TNRC18: variants seen among roughly 807,000 people sequenced by gnomAD.
TNRC18 encodes the protein trinucleotide repeat containing 18.
TNRC18 carries 69 observed loss-of-function variants against 226.7 expected under a neutral mutation model. That is an observed-to-expected ratio of 0.30 (90% CI 0.25 to 0.37). The LOEUF is 0.37. Ranked by LOEUF, TNRC18 falls within the 10% of genes least tolerant of loss-of-function variation. The pLI is 1.00. For synonymous variants in TNRC18, 2,449 were observed against 1,927.6 expected, an observed-to-expected ratio of 1.27 and a Z score of -7.09; for missense variants, 4,754 against 4,256.6, an observed-to-expected ratio of 1.12 and a Z score of -3.25.
rs748061406 is a variant in TNRC18, at chr7:5,376,893, T to C, written c.2562A>G (p.Gln854=). The part of the protein sequence containing the change: ...PSAYQFVRDP[Q]SGQLVVIPSD... ...TGGGAATGACCACCAGCTGGCCCGATTGGGGGTCCCTGACAAACTGGTAGG... is the reference window on the plus strand; with the variant it reads ...TGGGAATGACCACCAGCTGGCCCGACTGGGGGTCCCTGACAAACTGGTAGG... The change falls in exon 8 of 30, where the codon CAA becomes CAG. Residue 854 remains glutamine (Q), a synonymous_variant. Coordinates refer to ENST00000430969, the MANE Select transcript of TNRC18 (RefSeq NM_001080495.3). 66 of 1,610,954 alleles carry C rather than the reference T, an allele frequency of 4.1e-5. No individual in the cohort carries two copies. The highest frequency in any genetic ancestry group is 2.9e-4 in the African/African-American group (22 of 74,986).
intron 9 of TNRC18, 101 bp from the exon 10 acceptor site, chr7:5,374,585 A>T: frequency 7.9e-7 from 1 of 1,259,814 alleles, no homozygotes; most frequent in Non-Finnish European, 1.1e-6. Flanking sequence ...GTCCGAGGAG[A>T]ACCTCATGCA....
intron 25 of TNRC18, among the ~76,000 whole-genome samples, chr7:5,315,519 G>A (rs967496619): frequency 1.3e-5 from 2 of 151,860 alleles, no homozygotes; most frequent in Non-Finnish European, 2.9e-5. Flanking sequence ...TGCCTCTCAG[G>A]TTCAAGGGAT....
intron 26 of TNRC18, among the ~76,000 whole-genome samples, chr7:5,314,261 C>G (rs527971725): frequency 6.6e-6 from 1 of 152,114 alleles, no homozygotes; most frequent in East Asian, 1.9e-4. Context: ...TGGACCACTG[C>G]GCCCAGCAGA....
At position 5,319,961 on chromosome 7, in the gene TNRC18, A is replaced by G. The variant is rs1788186087; in HGVS notation, c.6745+357T>C. ...CCCGGTCGATCAGACTCACGGCAGT[A>G]GGATCAATGAAAACCATGTGGCCCA... On this transcript the variant is annotated intron_variant, in intron 24 of 29. Coordinates refer to ENST00000430969, the MANE Select transcript of TNRC18 (RefSeq NM_001080495.3). Among the ~76,000 whole-genome samples the G allele has an allele frequency of 2.0e-5, 3 of 152,242 alleles. No individual in the cohort carries two copies. The South Asian group carries it at 6.2e-4, about 31-fold the overall frequency.
intron 18 of TNRC18, among the ~76,000 whole-genome samples, chr7:5,339,065 A>G (rs74646741): frequency 0.022 from 3,397 of 152,054 alleles, 135 homozygotes; most frequent in African/African-American, 0.077. Context: ...TGGGAGGCCA[A>G]TGAGCGCAGA....
Position 5,312,923 on chromosome 7 carries a change from CGAGGAAGAGGAG to C in TNRC18, c.7956_7967del (p.Ser2668_Ser2671del). ...AGGAGGAGGAGGAGGAGGATGAGGACGAGGAAGAGGAGGAGGAGGAAGAGGAGGAAGACGAAG... is the reference window on the plus strand; with the variant it reads ...AGGAGGAGGAGGAGGAGGATGAGGACGAGGAGGAAGAGGAGGAAGACGAAG... On this transcript the variant is annotated inframe_deletion, in exon 27 of 30. Coordinates refer to ENST00000430969, the MANE Select transcript of TNRC18 (RefSeq NM_001080495.3). This position sits in a 1 kb window ranked among gnomAD's most constrained non-coding sequence, Gnocchi z 6.3. 2 of 1,437,778 alleles carry C rather than the reference CGAGGAAGAGGAG, an allele frequency of 1.4e-6. No homozygotes were observed. The highest frequency in any genetic ancestry group is 1.9e-6 in the Non-Finnish European group (2 of 1,078,044). 89.1% of individuals were successfully genotyped at this position (1,437,778 alleles called of 1,614,324 possible).
chr7:5,374,308 C>A lies in TNRC18; in HGVS notation c.2976G>T (p.Pro992=), dbSNP rs200029475. 1 of 1,444,734 alleles carries A rather than the reference C, an allele frequency of 6.9e-7. No individual in the cohort carries two copies. The highest frequency in any genetic ancestry group is 9.1e-7 in the Non-Finnish European group (1 of 1,103,760). The allele number at this position is 1,444,734 out of a possible 1,614,324, so 89.5% of individuals were successfully genotyped here. The part of the protein sequence containing the change: ...PAGTYGKAVS[P]PPSPRASPVA... ...CAGGGGATGCGCGGGGTGATGGTGG[C>A]GGGCTCACGGCCTTGCCGTAGGTGC... Residue 992 remains proline (P), a synonymous_variant, in exon 10 of 30, where the codon CCG becomes CCT. Transcript: ENST00000430969.
chr7:5,318,196 T>G (rs2128110112), intron 24 of TNRC18, among the ~76,000 whole-genome samples: 1 of 152,220 alleles, frequency 6.6e-6, no homozygotes, highest in East Asian at 1.9e-4. Context: ...TTTTGTATCT[T>G]TTTGTAGAGA....
intron 24 of TNRC18, among the ~76,000 whole-genome samples, chr7:5,318,440 A>C (rs1473190934): frequency 6.6e-6 from 1 of 152,214 alleles, no homozygotes; most frequent in Admixed American, 6.5e-5. Context: ...TAACAGAAAA[A>C]AAGACACACA....
At chr7:5,341,657 G>A (rs760863351) in intron 18 of TNRC18, among the ~76,000 whole-genome samples, 24 of 151,624 alleles carry the variant, frequency 1.6e-4, no homozygotes, top group Admixed American at 4.6e-4. Context: ...CCAGCTACTC[G>A]GGAGGCTGAG....
Position 5,370,671 on chromosome 7 carries a change from A to G in TNRC18, c.3923T>C (p.Leu1308Pro). 1 of 1,612,502 alleles carries G rather than the reference A, an allele frequency of 6.2e-7. No individual in the cohort carries two copies. Residue 1308 changes from leucine (L) to proline (P), a missense_variant, in exon 11 of 30, where the codon CTG becomes CCG. Physicochemically the swap from Leu to Pro is moderately conservative, Grantham distance 98. Transcript: ENST00000430969. ...TACAGGCACGGCCTCTTGGGGCTCC[A>G]GGCTCGGGCACTGTCCCTCCCCGGC... is the stretch of plus-strand genomic sequence containing the variant. ...VPAGEGQCPSLEPQEAVPVLG... is the reference protein window; with the variant it reads ...VPAGEGQCPSPEPQEAVPVLG...
chr7:5,308,548 A>G (rs1443141029), intron 29 of TNRC18, among the ~76,000 whole-genome samples: 1 of 152,208 alleles, frequency 6.6e-6, no homozygotes, highest in African/African-American at 2.4e-5. Flanking sequence ...AGACGCAGAG[A>G]GACAGAGACC....
At position 5,370,688 on chromosome 7, in the gene TNRC18, C is replaced by T. The variant is rs2128172261; in HGVS notation, c.3906G>A (p.Glu1302=). The T allele has an allele frequency of 2.5e-6, 4 of 1,611,962 alleles. No individual in the cohort carries two copies. Among genetic ancestry groups the T allele is most frequent in the Admixed American group, 1.7e-5 (1 of 59,822 alleles). ...GGGGCTCCAGGCTCGGGCACTGTCC[C>T]TCCCCGGCGGGCACGTCACAGTCTG... is the stretch of plus-strand genomic sequence containing the variant. ...EMSDCDVPAG[E]GQCPSLEPQE... is the part of the protein sequence containing the mutation. Residue 1302 remains glutamate, a synonymous_variant, in exon 11 of 30, where the codon GAG becomes GAA. Transcript: ENST00000430969.
At chr7:5,381,607 G>A (rs1268475117) in intron 5 of TNRC18, among the ~76,000 whole-genome samples, 2 of 151,992 alleles carry the variant, frequency 1.3e-5, no homozygotes, top group African/African-American at 4.8e-5. Flanking sequence ...CCTGGGCAAC[G>A]GAGTGAGACC....
intron 2 of TNRC18, chr7:5,420,194 C>G: frequency 2.9e-6 from 1 of 343,504 alleles, no homozygotes; most frequent in South Asian, 2.1e-5. Flanking sequence ...CCGTCCCCAC[C>G]GCGCCTGGGC....
chr7:5,418,314 C>T (rs1044242761), intron 2 of TNRC18, among the ~76,000 whole-genome samples: 1 of 152,172 alleles, frequency 6.6e-6, no homozygotes, highest in African/African-American at 2.4e-5. Flanking sequence ...TCCCTGATCC[C>T]AAACCCCATT....
Position 5,387,931 on chromosome 7 carries a change from G to C in TNRC18, c.1893C>G (p.Ser631=). ...PEPAPTSAGA[S]RAQARLPHSG... Reference sequence around the variant, plus strand: ...AGTGTGGGAGACGGGCCTGGGCTCGGGAGGCACCCGCAGAGGTGGGCGCAG... The same window carrying C: ...AGTGTGGGAGACGGGCCTGGGCTCGCGAGGCACCCGCAGAGGTGGGCGCAG... The change falls in exon 5 of 30, where the codon TCC becomes TCG. Residue 631 remains serine (S), a synonymous_variant. Coordinates refer to ENST00000430969, the MANE Select transcript of TNRC18 (RefSeq NM_001080495.3). 2 of 1,596,856 alleles carry C rather than the reference G, an allele frequency of 1.3e-6. No homozygotes were observed. The highest frequency in any genetic ancestry group is 8.5e-7 in the Non-Finnish European group (1 of 1,172,844).
At chr7:5,366,451 G>A (rs1793638212) in intron 11 of TNRC18, among the ~76,000 whole-genome samples, 1 of 146,396 alleles carries the variant, frequency 6.8e-6, no homozygotes, top group Admixed American at 7.0e-5. Flanking sequence ...AGTCCCCTGA[G>A]TAGCTGGGAC....
At chr7:5,321,351 T>C (rs1350037930) in intron 21 of TNRC18, among the ~76,000 whole-genome samples, 161 bp from the exon 22 acceptor site, 2 of 152,168 alleles carry the variant, frequency 1.3e-5, no homozygotes, top group African/African-American at 2.4e-5. Context: ...CCTGTGTGTG[T>C]ACCCGTGCAG....
Sources: allele counts gnomAD v4.1 joint callset (sites outside exome capture counted in the v4.1 genomes callset), GRCh38; gene constraint gnomAD v4.1.1; non-coding constraint Gnocchi (gnomAD v3.1); transcripts MANE v1.5; gene names NCBI Gene and HGNC (gene_info 2026-07-23, HGNC 2026-07-21).